Variants in MON2 observed in about 807,000 individuals in gnomAD.
The protein encoded by MON2 is MON2 regulator of endosome-to-Golgi trafficking.
In MON2, 84 loss-of-function variants were observed where a neutral mutation model predicts 208.6. The ratio of observed to expected loss-of-function variants is 0.40; its 90% confidence interval spans 0.34 to 0.48. The LOEUF (loss-of-function observed/expected upper bound fraction) is 0.48. MON2 is among the 20% of genes least tolerant of loss of function. The probability of loss-of-function intolerance (pLI) is 0.59; values close to 1 mark genes in which losing one functional copy is unlikely to be tolerated. For missense variants in MON2, 1,611 were observed against 2,015.4 expected, an observed-to-expected ratio of 0.80 and a Z score of 3.84; for synonymous variants, 660 against 694.0, an observed-to-expected ratio of 0.95 and a Z score of 0.77.
intron 11 of MON2, among the ~76,000 whole-genome samples, chr12:62,530,918 G>GT (rs1270052143): frequency 1.3e-5 from 2 of 152,054 alleles, no homozygotes; most frequent in Admixed American, 1.3e-4. Context: ...CTTTTTTATC[G>GT]TAGTCATCCC....
chr12:62,502,472 A>G (rs2070893129), intron 7 of MON2, among the ~76,000 whole-genome samples: 1 of 152,008 alleles, frequency 6.6e-6, no homozygotes, highest in Non-Finnish European at 1.5e-5. Flanking sequence ...TAGACATATA[A>G]CAGTTTAGTG....
At chr12:62,558,373 AG>A (rs942866300) in intron 25 of MON2, among the ~76,000 whole-genome samples, 5 of 152,206 alleles carry the variant, frequency 3.3e-5, no homozygotes, top group Admixed American at 2.6e-4. Context: ...TTTTAGAATA[AG>A]TTTTATATTT....
intron 32 of MON2, among the ~76,000 whole-genome samples, chr12:62,582,017 A>C (rs553631234): frequency 1.7e-4 from 25 of 150,862 alleles, no homozygotes; most frequent in African/African-American, 4.3e-4. Context: ...TTTCTAGCCC[A>C]AACAGTTTTT....
chr12:62,482,114 C>G (rs2069480903), intron 1 of MON2, among the ~76,000 whole-genome samples: 2 of 152,224 alleles, frequency 1.3e-5, no homozygotes, highest in Non-Finnish European at 2.9e-5. Context: ...TCTTTGTTGT[C>G]TCTGCTCTTT....
intron 1 of MON2, among the ~76,000 whole-genome samples, chr12:62,469,923 T>TTTA (rs766894539): frequency 0.047 from 2,275 of 48,792 alleles, 49 homozygotes; most frequent in African/African-American, 0.18. Context: ...TATTTATTTA[T>TTTA]TTGAGACAGG....
intron 4 of MON2, among the ~76,000 whole-genome samples, chr12:62,497,629 T>TC (rs2070594434): frequency 6.6e-6 from 1 of 152,164 alleles, no homozygotes; most frequent in African/African-American, 2.4e-5. Context: ...TCTTTTCTTT[T>TC]TTTGAGATAG....
chr12:62,490,052 A>T, intron 2 of MON2: 1 of 1,190,042 alleles, frequency 8.4e-7, no homozygotes, highest in African/African-American at 1.6e-5. Context: ...AACTGCAATT[A>T]TGCAGTGAAA....
chr12:62,497,923 G>A (rs762381806), intron 4 of MON2, among the ~76,000 whole-genome samples: 48 of 152,120 alleles, frequency 3.2e-4, no homozygotes, highest in Non-Finnish European at 5.4e-4. Flanking sequence ...GCCAACTGGC[G>A]GTTTCTTAAA....
Position 62,595,577 on chromosome 12 carries a change from A to G in MON2, c.*2828A>G, listed in dbSNP as rs1026828936. The G allele has an allele frequency of 4.6e-5, 7 of 152,238 alleles. No individual in the cohort carries two copies. Among genetic ancestry groups the G allele is most frequent in the Admixed American group, 4.6e-4 (7 of 15,290 alleles). 9.4% of individuals were successfully genotyped at this position (152,238 alleles called of 1,614,324 possible). ...AAGTCTTTTTCTGGCCATTTTGTCC[A>G]TTATAAAGGAAATAAACTAATTGTT... is the stretch of plus-strand genomic sequence containing the variant. On this transcript the variant is annotated 3_prime_UTR_variant, in exon 35 of 35. Transcript: ENST00000393630.
At chr12:62,587,920 C>T in intron 33 of MON2, 154 bp from the exon 34 acceptor site, 1 of 528,534 alleles carries the variant, frequency 1.9e-6, no homozygotes. Flanking sequence ...ATGATTTTTA[C>T]TTTTATATGA....
chr12:62,501,292 C>T (rs896394181), intron 6 of MON2, among the ~76,000 whole-genome samples: 5 of 151,910 alleles, frequency 3.3e-5, no homozygotes, highest in Non-Finnish European at 7.4e-5. Context: ...ATTATTACTT[C>T]GGATTAAAAG....
chr12:62,496,156 A>G (rs1280602961), intron 4 of MON2, among the ~76,000 whole-genome samples: 1 of 152,056 alleles, frequency 6.6e-6, no homozygotes, highest in Non-Finnish European at 1.5e-5. Flanking sequence ...TGAGATTTTA[A>G]CTGCAAATAG....
rs1478023460 is a variant in MON2 at position 62,600,421 on chromosome 12, T to C, written c.*7672T>C. 6.6e-6 allele frequency: 1 copy of C among 152,226 alleles called. No individual in the cohort carries two copies. Among genetic ancestry groups the C allele is most frequent in the Non-Finnish European group, 1.5e-5 (1 of 68,042 alleles). The allele number at this position is 152,226 out of a possible 1,614,324, so 9.4% of individuals were successfully genotyped here. On this transcript the variant is annotated 3_prime_UTR_variant, in exon 35 of 35. Transcript: ENST00000393630. Reference sequence around the variant, plus strand: ...ATTACAGCTAGTCAAGGAAACCGCATATATAAAATAATACTGGATACAAGA... The same window carrying C: ...ATTACAGCTAGTCAAGGAAACCGCACATATAAAATAATACTGGATACAAGA...
At chr12:62,502,706 A>T (rs1014469640) in intron 7 of MON2, among the ~76,000 whole-genome samples, 19 of 152,192 alleles carry the variant, frequency 1.2e-4, no homozygotes, top group African/African-American at 4.6e-4. Flanking sequence ...AATGGAAAAC[A>T]ACTAAAGTCC....
In MON2 at chr12:62,493,914, G is replaced by A; in HGVS notation, c.176-1G>A. 6.4e-7 allele frequency: 1 copy of A among 1,562,780 alleles called. No individual in the cohort carries two copies. Among genetic ancestry groups the A allele is most frequent in the African/African-American group, 1.4e-5 (1 of 73,752 alleles). ...TTACTTTATATGTGTTCTAAATGAA[G>A]CACTGAAAGAGAACAGCTCAGAGGT... On this transcript the variant is annotated splice_acceptor_variant, in intron 2 of 34. Coordinates refer to ENST00000393630, the MANE Select transcript of MON2 (RefSeq NM_015026.3). LOFTEE classifies it high-confidence loss of function.
chr12:62,468,155 TA>T (rs35738119), intron 1 of MON2, among the ~76,000 whole-genome samples: 51,998 of 144,094 alleles, frequency 0.36, 9,248 homozygotes, highest in African/African-American at 0.39. Context: ...TTTAATTCTC[TA>T]AAAAAAAAAA....
chr12:62,482,440 AC>A (rs1252842338), intron 1 of MON2: 1 of 152,206 alleles, frequency 6.6e-6, no homozygotes, highest in African/African-American at 2.4e-5. Flanking sequence ...TTATTTTTAA[AC>A]CTTTAGAGAC....
At chr12:62,523,851 T>G (rs1982991) in intron 8 of MON2, among the ~76,000 whole-genome samples, 1 of 151,920 alleles carries the variant, frequency 6.6e-6, no homozygotes, top group Non-Finnish European at 1.5e-5. Flanking sequence ...GATGAACGGG[T>G]TAGCTTTTGT....
chr12:62,559,365 G>A (rs2074112848), intron 25 of MON2, among the ~76,000 whole-genome samples: 1 of 152,126 alleles, frequency 6.6e-6, no homozygotes, highest in Non-Finnish European at 1.5e-5. Flanking sequence ...TTGCTGTAGG[G>A]AAAAGATCTG....
Sources: allele counts gnomAD v4.1 joint callset (sites outside exome capture counted in the v4.1 genomes callset), GRCh38; gene constraint gnomAD v4.1.1; transcripts MANE v1.5; gene names NCBI Gene and HGNC (gene_info 2026-07-23, HGNC 2026-07-21).